The following COL17A1 variants were observed in gnomAD, a reference collection of about 807,000 sequenced individuals.
COL17A1 encodes the protein collagen alpha-1(XVII) chain.
A neutral mutation model predicts 218.4 loss-of-function variants in COL17A1; 181 were observed. The observed-to-expected ratio is 0.83, with a 90% CI of 0.73 to 0.94. The LOEUF is 0.94. COL17A1 is among the 40% of genes least tolerant of loss of function. The pLI is 0.00. For synonymous variants in COL17A1, 721 were observed against 731.0 expected (o/e 0.99, Z 0.22); for missense variants, 1,924 against 1,945.9 (o/e 0.99, Z 0.21).
At chr10:104,047,838 T>A (rs775230823) in intron 30 of COL17A1, 28 bp from the exon 31 acceptor site, 1 of 1,594,126 alleles carries the variant, frequency 6.3e-7, no homozygotes, top group Non-Finnish European at 8.6e-7. Context: ...AACGTGGAAG[T>A]GTTTACATTT....
intron 15 of COL17A1, among the ~76,000 whole-genome samples, chr10:104,058,578 T>C (rs1384361010): frequency 1.3e-5 from 2 of 152,022 alleles, no homozygotes; most frequent in African/African-American, 2.4e-5. Context: ...GTGGAAGGAA[T>C]TGGGAATGAG....
chr10:104,060,103 A>G lies in COL17A1; in HGVS notation c.1141+16T>C. 6.2e-7 allele frequency: 1 copy of G among 1,613,938 alleles called. No homozygotes were observed. The highest frequency in any genetic ancestry group is 1.1e-5 in the South Asian group (1 of 91,068). On this transcript the variant is annotated intron_variant, in intron 14 of 55. Transcript: ENST00000648076. ...GGCTTTCTTCTGAAACCCAAGCCAC[A>G]CAGGATCTGACGCACTTGCAGCGAT...
Position 104,070,524 on chromosome 10 carries a change from G to T in COL17A1, c.509C>A (p.Ser170Ter), listed in dbSNP as rs763578030. Reference sequence around the variant, plus strand: ...ATTCCGGGTGGGGCTCACACTTGCCGATCGACTCCCCTTGAGCAAACGCTT... The same window carrying T: ...ATTCCGGGTGGGGCTCACACTTGCCTATCGACTCCCCTTGAGCAAACGCTT... The part of the protein sequence containing the change: ...DVKRLLKGSR[S>*]ASVSPTRNSS... The change falls in exon 9 of 56, where the codon TCG becomes TAG. Residue 170 changes from serine to a stop codon, truncating the protein, a stop_gained. Transcript: ENST00000648076. LOFTEE classifies it high-confidence loss of function. 3 of 1,614,184 alleles carry T rather than the reference G, an allele frequency of 1.9e-6. No individual in the cohort carries two copies. Among genetic ancestry groups the T allele is most frequent in the Non-Finnish European group, 2.5e-6 (3 of 1,180,030 alleles).
rs750000279 is a variant in COL17A1, at chr10:104,037,621, T to TG, written c.3208+14dup. 6.2e-7 allele frequency: 1 copy of TG among 1,613,952 alleles called. No individual in the cohort carries two copies. The highest frequency in any genetic ancestry group is 8.5e-7 in the Non-Finnish European group (1 of 1,179,956). On this transcript the variant is annotated intron_variant, in intron 46 of 55. Coordinates refer to ENST00000648076, the MANE Select transcript of COL17A1 (RefSeq NM_000494.4). ...GGAGGAAGGTGCCAGGTGCAGGGCG[T>TG]GGGGAAGGGCTTACTCCGTAAGTAG...
intron 47 of COL17A1, 102 bp from the exon 48 acceptor site, chr10:104,036,734 G>T: frequency 7.2e-7 from 1 of 1,397,962 alleles, no homozygotes; most frequent in Non-Finnish European, 9.9e-7. Flanking sequence ...TGGCTCCTGC[G>T]TGACATTTGT....
intron 13 of COL17A1, among the ~76,000 whole-genome samples, chr10:104,060,677 G>A (rs805702): frequency 0.88 from 133,540 of 152,180 alleles, 60,473 homozygotes; most frequent in Non-Finnish European, 0.99. Context: ...GGAGGCTTTA[G>A]CTGACTACCC....
chr10:104,035,253 A>C lies in COL17A1; in HGVS notation c.3619+10T>G. ...CCCTGCCCTCCCCATCCCACTCCAC[A>C]GTGCCCTACTATGTAAGTAAGACGA... On this transcript the variant is annotated intron_variant, in intron 50 of 55. Transcript: ENST00000648076. The C allele has an allele frequency of 6.2e-7, 1 of 1,609,416 alleles. No individual in the cohort carries two copies. Among genetic ancestry groups the C allele is most frequent in the Non-Finnish European group, 8.5e-7 (1 of 1,176,974 alleles).
At chr10:104,035,756 C>T (rs1163449056) in intron 48 of COL17A1, among the ~76,000 whole-genome samples, 193 bp from the exon 49 acceptor site, 1 of 144,014 alleles carries the variant, frequency 6.9e-6, no homozygotes, top group Non-Finnish European at 1.5e-5. Context: ...GAAGCAGGTC[C>T]AGTGTGCCTG....
At chr10:104,040,965 A>C in intron 39 of COL17A1, 100 bp downstream of exon 39, 1 of 1,274,392 alleles carries the variant, frequency 7.8e-7, no homozygotes, top group Non-Finnish European at 1.1e-6. Context: ...AGGAGCAGGA[A>C]GCCTGGTGAG....
At chr10:104,068,563 T>C (rs1388151685) in intron 9 of COL17A1, among the ~76,000 whole-genome samples, 1 of 152,248 alleles carries the variant, frequency 6.6e-6, no homozygotes, top group Non-Finnish European at 1.5e-5. Flanking sequence ...GAAGGCACTG[T>C]ATATACTAAT....
intron 27 of COL17A1, 109 bp downstream of exon 27, chr10:104,050,512 A>G: frequency 1.3e-6 from 2 of 1,577,176 alleles, no homozygotes; most frequent in South Asian, 1.1e-5. Flanking sequence ...TTAGAATGAG[A>G]TCTTGGTCCA....
chr10:104,035,530 G>T lies in COL17A1; in HGVS notation c.3452C>A (p.Pro1151Gln), dbSNP rs150968209. 3 of 1,613,872 alleles carry T rather than the reference G, an allele frequency of 1.9e-6. No homozygotes were observed. Among genetic ancestry groups the T allele is most frequent in the Non-Finnish European group, 2.5e-6 (3 of 1,179,902 alleles). The change falls in exon 49 of 56, where the codon CCG (proline) becomes CAG (glutamine). Residue 1151 changes from proline (P) to glutamine (Q), a missense_variant. Pro to Gln is a moderately conservative substitution (Grantham distance 76, BLOSUM62 -1). Coordinates refer to ENST00000648076, the MANE Select transcript of COL17A1 (RefSeq NM_000494.4). ...GGTTCCCGGCAAGCCAGGGGGCCCC[G>T]GGGGACCAGGAAGCCCAATGCTGAT... is the stretch of plus-strand genomic sequence containing the variant. The part of the protein sequence containing the change: ...SGISIGLPGP[P>Q]GPPGLPGTSY...
rs1589554770 is a variant in COL17A1 at position 104,034,180 on chromosome 10, G to C, written c.3921C>G (p.Tyr1307Ter). The change falls in exon 52 of 56, where the codon TAC (tyrosine) becomes TAG (stop). Residue 1307 changes from tyrosine to a stop codon, truncating the protein, a stop_gained. Coordinates refer to ENST00000648076, the MANE Select transcript of COL17A1 (RefSeq NM_000494.4). LOFTEE classifies it high-confidence loss of function. ...HSSSVRRGSSYSSSMSTGGGG... is the reference protein window; with the variant it reads ...HSSSVRRGSS Reference sequence around the variant, plus strand: ...CTCCTCCTGTGCTCATGGAAGAGCTGTAGGAGCTGCCCCGCCTGACAGATG... The same window carrying C: ...CTCCTCCTGTGCTCATGGAAGAGCTCTAGGAGCTGCCCCGCCTGACAGATG... 1 of 1,613,384 alleles carries C rather than the reference G, an allele frequency of 6.2e-7. No homozygotes were observed. The highest frequency in any genetic ancestry group is 8.5e-7 in the Non-Finnish European group (1 of 1,179,960).
intron 16 of COL17A1, 58 bp downstream of exon 16, chr10:104,058,088 T>A: frequency 1.2e-6 from 2 of 1,610,670 alleles, no homozygotes; most frequent in Non-Finnish European, 1.7e-6. Flanking sequence ...ATCTGGTCCA[T>A]TAGCCATAAG....
intron 9 of COL17A1, among the ~76,000 whole-genome samples, chr10:104,065,985 G>A (rs2086623139): frequency 6.6e-6 from 1 of 152,194 alleles, no homozygotes; most frequent in African/African-American, 2.4e-5. Context: ...GCCCCTGCTT[G>A]GATAGCTAAT....
rs1331207979 is a variant in COL17A1 at position 104,036,024 on chromosome 10, CTG to C, written c.3419-463_3419-462del. Among the ~76,000 whole-genome samples the C allele has an allele frequency of 5.5e-5, 4 of 72,714 alleles. No individual in the cohort carries two copies. The Admixed American group carries it at 6.5e-4, about 12-fold the overall frequency. The allele number at this position is 72,714 out of a possible 152,430, so 47.7% of individuals were successfully genotyped here. On this transcript the variant is annotated intron_variant, in intron 48 of 55. Coordinates refer to ENST00000648076, the MANE Select transcript of COL17A1 (RefSeq NM_000494.4). The stretch of plus-strand genomic sequence containing the variant: ...CATATGTGAGTGTGTATGGGTGTGT[CTG>C]AGTATGGAAGTGTGTGTATAGGAGT...
At chr10:104,044,781 G>A (rs1032930177) in intron 33 of COL17A1, among the ~76,000 whole-genome samples, 5 of 152,254 alleles carry the variant, frequency 3.3e-5, no homozygotes, top group Non-Finnish European at 4.4e-5. Flanking sequence ...CTCAAAAAGG[G>A]AAGGTTTCTG....
At chr10:104,040,178 C>T (rs559949441) in intron 40 of COL17A1, among the ~76,000 whole-genome samples, 173 bp downstream of exon 40, 1 of 152,340 alleles carries the variant, frequency 6.6e-6, no homozygotes, top group African/African-American at 2.4e-5. Context: ...GAGTTTCTGA[C>T]TATTGTGCCT....
intron 16 of COL17A1, 22 bp downstream of exon 16, chr10:104,058,124 A>C (rs375158458): frequency 7.9e-5 from 128 of 1,613,974 alleles, no homozygotes; most frequent in Non-Finnish European, 1.1e-4. Context: ...CTGTCACTGC[A>C]GGGTTCGCGG....
Sources: gnomAD v4.1 joint callset for allele counts (sites outside exome capture counted in the v4.1 genomes callset) on GRCh38, gnomAD v4.1.1 for gene constraint, MANE v1.5 for transcripts, NCBI Gene and HGNC (gene_info 2026-07-23, HGNC 2026-07-21) for gene names.